LRRC4C: variants seen among roughly 807,000 people sequenced by gnomAD.
The protein encoded by LRRC4C is leucine rich repeat containing 4C, also known as leucine-rich repeat-containing protein 4C.
LRRC4C carries 5 observed loss-of-function variants against 33.6 expected under a neutral mutation model. The ratio of observed to expected loss-of-function variants is 0.15; its 90% CI spans 0.08 to 0.31. LRRC4C has a LOEUF of 0.31. Ranked by LOEUF, LRRC4C falls within the 10% of genes least tolerant of loss-of-function variation. The pLI is 1.00. For synonymous variants in LRRC4C, 329 were observed against 302.0 expected, an observed-to-expected ratio of 1.09 and a Z score of -0.93; for missense variants, 560 against 796.7, an observed-to-expected ratio of 0.70 and a Z score of 3.58.
chr11:40,964,823 A>G (rs1297165537), intron 1 of LRRC4C, among the ~76,000 whole-genome samples: 1 of 151,838 alleles, frequency 6.6e-6, no homozygotes, highest in Admixed American at 6.6e-5. Context: ...TAGTGCCACA[A>G]TAAACATGCG....
At chr11:41,455,660 A>T (rs913652664) in intron 1 of LRRC4C, among the ~76,000 whole-genome samples, 8 of 152,206 alleles carry the variant, frequency 5.3e-5, no homozygotes, top group African/African-American at 1.9e-4. Context: ...TGAACAATAC[A>T]TAAAGTCATC....
chr11:40,681,871 C>T (rs1485059612), intron 2 of LRRC4C, among the ~76,000 whole-genome samples: 1 of 152,134 alleles, frequency 6.6e-6, no homozygotes, highest in Non-Finnish European at 1.5e-5. Context: ...CGTATTTTCT[C>T]ACTGATATGT....
intron 2 of LRRC4C, among the ~76,000 whole-genome samples, chr11:40,702,768 C>T (rs1309458057): frequency 2.0e-5 from 3 of 152,084 alleles, no homozygotes; most frequent in Admixed American, 6.6e-5. Flanking sequence ...CTAAATTTGC[C>T]TCTGCATCTG....
At chr11:41,152,516 C>T (rs1335307157) in intron 1 of LRRC4C, among the ~76,000 whole-genome samples, 1 of 152,074 alleles carries the variant, frequency 6.6e-6, no homozygotes, top group African/African-American at 2.4e-5. Flanking sequence ...CATCTTCAGC[C>T]ACTGCAGGAG....
At chr11:41,433,497 C>G (rs1590264898) in intron 1 of LRRC4C, among the ~76,000 whole-genome samples, 1 of 152,140 alleles carries the variant, frequency 6.6e-6, no homozygotes, top group South Asian at 2.1e-4. Context: ...GAGGGTGTTG[C>G]TAAAGGAGAT....
chr11:40,911,334 C>A (rs1477521755), intron 2 of LRRC4C, among the ~76,000 whole-genome samples: 1 of 152,158 alleles, frequency 6.6e-6, no homozygotes, highest in African/African-American at 2.4e-5. Flanking sequence ...GCCGAGTACT[C>A]CTCTGAGACA....
intron 5 of LRRC4C, among the ~76,000 whole-genome samples, chr11:40,154,946 T>C (rs1266686636): frequency 6.6e-6 from 1 of 152,142 alleles, no homozygotes; most frequent in African/African-American, 2.4e-5. Context: ...GTAGACCATA[T>C]GATAGGCCAT....
chr11:40,749,043 GA>G (rs1948562916), intron 2 of LRRC4C, among the ~76,000 whole-genome samples: 1 of 152,048 alleles, frequency 6.6e-6, no homozygotes, highest in Admixed American at 6.6e-5. Context: ...GATTGTAGGA[GA>G]TTCAACGTAA....
intron 3 of LRRC4C, among the ~76,000 whole-genome samples, chr11:40,464,789 A>G (rs1265049983): frequency 6.6e-6 from 1 of 152,042 alleles, no homozygotes; most frequent in Non-Finnish European, 1.5e-5. Context: ...AAAAACTACA[A>G]AACACTGACG....
intron 3 of LRRC4C, among the ~76,000 whole-genome samples, chr11:40,439,133 G>A (rs1164916827): frequency 6.7e-6 from 1 of 149,300 alleles, no homozygotes; most frequent in African/African-American, 2.5e-5. Flanking sequence ...AGTAGAGATG[G>A]GTTTCACCAT....
intron 1 of LRRC4C, among the ~76,000 whole-genome samples, chr11:40,997,597 T>C (rs1426737200): frequency 1.3e-5 from 2 of 152,120 alleles, no homozygotes; most frequent in African/African-American, 4.8e-5. Flanking sequence ...TTGGGTTACA[T>C]CTAGAGGTGG....
chr11:40,879,514 C>T (rs890002960), intron 2 of LRRC4C, among the ~76,000 whole-genome samples: 2 of 152,130 alleles, frequency 1.3e-5, no homozygotes, highest in African/African-American at 4.8e-5. Flanking sequence ...GAGGGGAAGT[C>T]TGAAACTCTG....
chr11:40,775,085 G>A (rs1949929327), intron 2 of LRRC4C, among the ~76,000 whole-genome samples: 1 of 151,856 alleles, frequency 6.6e-6, no homozygotes, highest in Non-Finnish European at 1.5e-5. Flanking sequence ...TATATAGATT[G>A]GGACTGGCCA....
At chr11:41,057,034 C>T (rs1429903946) in intron 1 of LRRC4C, among the ~76,000 whole-genome samples, 1 of 152,180 alleles carries the variant, frequency 6.6e-6, no homozygotes, top group African/African-American at 2.4e-5. Context: ...CAAGAGCAGG[C>T]AGGAGCCCCA....
intron 3 of LRRC4C, among the ~76,000 whole-genome samples, chr11:40,609,796 A>C (rs1961016699): frequency 6.6e-6 from 1 of 152,024 alleles, no homozygotes; most frequent in East Asian, 1.9e-4. Context: ...GTAACCTAGA[A>C]GAAATTAATA....
In LRRC4C at chr11:40,356,806, A is replaced by G. The variant is rs556526199; in HGVS notation, c.-269-37085T>C. Reference sequence around the variant, plus strand: ...ATACATTCCCAAGCATGAGGCAGACAGTAATGAAAACTTTCATTCCTCAAG... The same window carrying G: ...ATACATTCCCAAGCATGAGGCAGACGGTAATGAAAACTTTCATTCCTCAAG... On this transcript the variant is annotated intron_variant, in intron 3 of 6. Coordinates refer to ENST00000528697, the MANE Select transcript of LRRC4C (RefSeq NM_001258419.2). 2.0e-5 allele frequency among the ~76,000 whole-genome samples: 3 copies of G among 152,332 alleles called. No individual in the cohort carries two copies. The South Asian group carries it at 6.2e-4, about 32-fold the overall frequency.
chr11:40,699,737 T>C (rs1194002161), intron 2 of LRRC4C, among the ~76,000 whole-genome samples: 1 of 152,194 alleles, frequency 6.6e-6, no homozygotes, highest in Non-Finnish European at 1.5e-5. Flanking sequence ...CCCTAAGGAA[T>C]ATTGATGGAG....
At chr11:40,546,092 TCCTTCCTTCCTTC>T (rs1565492105) in intron 3 of LRRC4C, among the ~76,000 whole-genome samples, 1 of 59,066 alleles carries the variant, frequency 1.7e-5, no homozygotes, top group African/African-American at 6.1e-5. Flanking sequence ...CTACCTTCCT[TCCTTCCTTCCTTC>T]CTTCCTTCCT....
chr11:40,975,825 G>C (rs1191533082), intron 1 of LRRC4C, among the ~76,000 whole-genome samples: 1 of 152,144 alleles, frequency 6.6e-6, no homozygotes, highest in Non-Finnish European at 1.5e-5. Flanking sequence ...AATCTTGTAG[G>C]CTCCTTGAAA....
Sources: gnomAD v4.1 joint callset for allele counts (sites outside exome capture counted in the v4.1 genomes callset) on GRCh38, gnomAD v4.1.1 for gene constraint, MANE v1.5 for transcripts, NCBI Gene and HGNC (gene_info 2026-07-23, HGNC 2026-07-21) for gene names.